The following ADAMTS17 variants were observed in gnomAD, a reference collection of about 807,000 sequenced individuals.
ADAMTS17 encodes A disintegrin and metalloproteinase with thrombospondin motifs 17.
A neutral mutation model predicts 141.5 loss-of-function variants in ADAMTS17; 113 were observed. That is an observed-to-expected ratio of 0.80 (90% CI 0.69 to 0.93). The LOEUF is 0.93. ADAMTS17 is among the 40% of genes least tolerant of loss of function. ADAMTS17 has a pLI of 0.00. For missense variants in ADAMTS17, 1,659 were observed against 1,517.9 expected, an observed-to-expected ratio of 1.09 and a Z score of -1.54; for synonymous variants, 768 against 630.6, an observed-to-expected ratio of 1.22 and a Z score of -3.27.
intron 3 of ADAMTS17, among the ~76,000 whole-genome samples, chr15:100,319,196 A>C (rs2045654813): frequency 6.6e-6 from 1 of 152,262 alleles, no homozygotes; most frequent in Admixed American, 6.5e-5. Context: ...CCAAGGCTGA[A>C]GCAGCCAAGA....
intron 15 of ADAMTS17, among the ~76,000 whole-genome samples, chr15:100,086,116 G>A (rs1004139792): frequency 6.6e-6 from 1 of 152,032 alleles, no homozygotes; most frequent in Non-Finnish European, 1.5e-5. Flanking sequence ...CATGTGCAGA[G>A]ACACACATAG....
chr15:100,170,763 C>G (rs749093905), intron 8 of ADAMTS17, among the ~76,000 whole-genome samples: 22 of 152,142 alleles, frequency 1.4e-4, no homozygotes, highest in Non-Finnish European at 2.9e-4. Flanking sequence ...AAGATTTTTC[C>G]AATTCCACCT....
intron 15 of ADAMTS17, among the ~76,000 whole-genome samples, chr15:100,073,053 C>T (rs1596349185): frequency 6.6e-6 from 1 of 152,026 alleles, no homozygotes; most frequent in East Asian, 1.9e-4. Flanking sequence ...CTACAATGAA[C>T]TCAAATCTAC....
intron 7 of ADAMTS17, among the ~76,000 whole-genome samples, chr15:100,216,224 A>C (rs1415191126): frequency 9.9e-5 from 15 of 152,244 alleles, no homozygotes; most frequent in Admixed American, 9.8e-4. Flanking sequence ...TTCAGAGTAA[A>C]CCCTGAACAA....
intron 7 of ADAMTS17, among the ~76,000 whole-genome samples, chr15:100,214,293 C>T (rs965133172): frequency 3.3e-5 from 5 of 152,084 alleles, no homozygotes; most frequent in East Asian, 1.9e-4. Flanking sequence ...TTATGCTCAT[C>T]GCACATTATC....
At chr15:100,058,317 GGC>G (rs1567102100) in intron 15 of ADAMTS17, among the ~76,000 whole-genome samples, 2 of 151,172 alleles carry the variant, frequency 1.3e-5, no homozygotes, top group Non-Finnish European at 2.9e-5. Flanking sequence ...CCCCTATCCC[GGC>G]TCTAACACCC....
chr15:99,989,104 G>A (rs1377850896), intron 20 of ADAMTS17, among the ~76,000 whole-genome samples: 1 of 152,202 alleles, frequency 6.6e-6, no homozygotes, highest in African/African-American at 2.4e-5. Flanking sequence ...CCACCAAGTA[G>A]CCTGAGCACT....
chr15:100,193,792 A>C (rs1473892652), intron 8 of ADAMTS17, among the ~76,000 whole-genome samples: 1 of 152,210 alleles, frequency 6.6e-6, no homozygotes, highest in Non-Finnish European at 1.5e-5. Flanking sequence ...GGTCAACTCC[A>C]GAATGGAAAG....
At chr15:100,012,198 A>G (rs1440473616) in intron 18 of ADAMTS17, among the ~76,000 whole-genome samples, 1 of 152,138 alleles carries the variant, frequency 6.6e-6, no homozygotes, top group African/African-American at 2.4e-5. Context: ...TCTTCTTTTG[A>G]GAACTGTCTA....
intron 14 of ADAMTS17, 143 bp downstream of exon 14, chr15:100,108,846 A>G: frequency 7.1e-7 from 1 of 1,401,386 alleles, no homozygotes; most frequent in Admixed American, 1.7e-5. Context: ...CACTGGCGGC[A>G]GGAGGCGGCA....
At chr15:100,241,956 C>T (rs1394929255) in intron 7 of ADAMTS17, among the ~76,000 whole-genome samples, 1 of 152,196 alleles carries the variant, frequency 6.6e-6, no homozygotes, top group Non-Finnish European at 1.5e-5. Flanking sequence ...ATCGCCCTGA[C>T]ATAACCTTCC....
rs545828765 is a variant in ADAMTS17, at chr15:100,208,928, G to A, written c.1076-9505C>T. Among the ~76,000 whole-genome samples the A allele has an allele frequency of 1.4e-3, 213 of 152,140 alleles. 5 individuals are homozygous for A. The South Asian group carries it at 0.043, about 30-fold the overall frequency. ...ACACCAGGCTTTACCTGTATCACTC[G>A]TATTTCTCGGACCATATGAGCCATT... On this transcript the variant is annotated intron_variant, in intron 7 of 21. Transcript: ENST00000268070.
intron 4 of ADAMTS17, among the ~76,000 whole-genome samples, chr15:100,278,146 G>A (rs1000985898): frequency 2.0e-5 from 3 of 152,104 alleles, no homozygotes; most frequent in African/African-American, 7.2e-5. Flanking sequence ...TGGGGGAGAG[G>A]GAAAGGGGGA....
chr15:100,100,866 C>T (rs1275162310), intron 14 of ADAMTS17, among the ~76,000 whole-genome samples: 8 of 152,178 alleles, frequency 5.3e-5, no homozygotes, highest in Admixed American at 5.2e-4. Flanking sequence ...CTCACCAACT[C>T]AGCCTGCCTT....
At chr15:100,315,890 CG>C (rs941334095) in intron 3 of ADAMTS17, among the ~76,000 whole-genome samples, 8 of 152,208 alleles carry the variant, frequency 5.3e-5, no homozygotes, top group African/African-American at 1.9e-4. Context: ...GAGGGAACCA[CG>C]GGGGCAGAGG....
intron 18 of ADAMTS17, among the ~76,000 whole-genome samples, chr15:100,012,233 A>G (rs1366096056): frequency 6.6e-6 from 1 of 152,088 alleles, no homozygotes; most frequent in Non-Finnish European, 1.5e-5. Context: ...CCACTGTTTG[A>G]TGCAATTGTT....
At chr15:100,073,105 T>C (rs953811202) in intron 15 of ADAMTS17, among the ~76,000 whole-genome samples, 18 of 152,066 alleles carry the variant, frequency 1.2e-4, no homozygotes, top group African/African-American at 3.9e-4. Flanking sequence ...GGGCAAAGGA[T>C]ATGAACAGAC....
chr15:100,079,200 T>C (rs780739493), intron 15 of ADAMTS17, among the ~76,000 whole-genome samples: 16 of 152,180 alleles, frequency 1.1e-4, no homozygotes, highest in Non-Finnish European at 1.3e-4. Flanking sequence ...CATTCCCAGG[T>C]ATATACACAA....
rs185708751 is a variant in ADAMTS17, at chr15:100,066,560, G to A, written c.2138-12506C>T. Among the ~76,000 whole-genome samples, 10 of 148,082 alleles carry A rather than the reference G, an allele frequency of 6.8e-5. No individual in the cohort carries two copies. The East Asian group carries it at 1.6e-3, about 24-fold the overall frequency. ...GTCTCTTGGTTGTTGTAAACTCTCT[G>A]GCTTTATCTATAAATGTCTTCATTG... On this transcript the variant is annotated intron_variant, in intron 15 of 21. Transcript: ENST00000268070.
Sources: gnomAD v4.1 joint callset for allele counts (sites outside exome capture counted in the v4.1 genomes callset) on GRCh38, gnomAD v4.1.1 for gene constraint, MANE v1.5 for transcripts, NCBI Gene and HGNC (gene_info 2026-07-23, HGNC 2026-07-21) for gene names.